DPH1: variants seen among roughly 807,000 people sequenced by gnomAD.
DPH1 encodes the protein 2-(3-amino-3-carboxypropyl)histidine synthase subunit 1.
A neutral mutation model predicts 55.3 loss-of-function variants in DPH1; 59 were observed. The ratio of observed to expected loss-of-function variants is 1.07; its 90% confidence interval spans 0.87 to 1.33. The LOEUF (loss-of-function observed/expected upper bound fraction) is 1.33, where lower values mean the gene tolerates loss of function less well. DPH1 is among the 40% of genes most tolerant of loss of function. The pLI is 0.00. For missense variants in DPH1, 628 were observed against 584.8 expected (o/e 1.07, Z -0.76); for synonymous variants, 238 against 235.5 (o/e 1.01, Z -0.10).
chr17:2,040,995 A>G, intron 9 of DPH1, 108 bp from the exon 10 acceptor site: 4 of 1,064,808 alleles, frequency 3.8e-6, no homozygotes, highest in Non-Finnish European at 5.6e-6. Context: ...TAGGATTCAT[A>G]AAGCCTGTTA....
In DPH1 at chr17:2,036,840, C is replaced by T. The variant is rs373269295; in HGVS notation, c.564C>T (p.Ala188=). The part of the protein sequence containing the change: ...TIQFVSTLQA[A]AQELKAEYRV... The stretch of plus-strand genomic sequence containing the variant: ...TTCCCTCGTCATTCCTACAGGCAGC[C>T]GCCCAGGAGCTGAAAGCCGAGTATC... The change falls in exon 6 of 13, where the codon GCC becomes GCT. Residue 188 remains alanine, a synonymous_variant. Transcript: ENST00000263083. The surrounding 1 kb of genome is among the most constrained non-coding windows in gnomAD (Gnocchi z 4.8). 87 of 1,613,262 alleles carry T rather than the reference C, an allele frequency of 5.4e-5. No individual in the cohort carries two copies. The African/African-American group carries it at 1.0e-3, about 19-fold the overall frequency.
chr17:2,042,119 G>A (rs779637169), intron 12 of DPH1: 3 of 1,565,304 alleles, frequency 1.9e-6, no homozygotes, highest in Non-Finnish European at 1.7e-6. Flanking sequence ...GCTTCCGTGA[G>A]AAGACCGGGG....
chr17:2,036,102 G>A lies in DPH1; in HGVS notation c.400+11G>A, dbSNP rs755998453. On this transcript the variant is annotated intron_variant, in intron 4 of 12. Transcript: ENST00000263083. This position sits in a 1 kb window ranked among gnomAD's most constrained non-coding sequence, Gnocchi z 4.8. ...GCCACAGTTGCCTGAGTATGGTGGG[G>A]CCAGGACACCTGGACGGTGGCGGGG... The A allele has an allele frequency of 2.5e-6, 4 of 1,613,588 alleles. No individual in the cohort carries two copies. The Admixed American group carries it at 6.7e-5, about 27-fold the overall frequency.
rs961569165 is a variant in DPH1 at position 2,040,261 on chromosome 17, C to G, written c.793C>G (p.His265Asp). 1.2e-6 allele frequency: 2 copies of G among 1,613,978 alleles called. No individual in the cohort carries two copies. Among genetic ancestry groups the G allele is most frequent in the Non-Finnish European group, 1.7e-6 (2 of 1,180,048 alleles). The change falls in exon 8 of 13, where the codon CAC becomes GAC. Residue 265 changes from histidine to aspartate, a missense_variant. His to Asp is a moderately conservative substitution (Grantham distance 81). Coordinates refer to ENST00000263083, the MANE Select transcript of DPH1 (RefSeq NM_001383.6). ...SKVLSREHYD[H>D]QRMQAARQEA... ...AGTCCTATCCAGAGAACACTATGAC[C>G]ACCAGCGCATGCAGGCTGCTCGCCA...
rs765788770 is a variant in DPH1 at position 2,030,193 on chromosome 17, G to C, written c.24G>C (p.Gly8=). The stretch of plus-strand genomic sequence containing the variant: ...TGATGGCGGCGCTGGTCGTATCCGG[G>C]GCAGCGGAGCAGGGCGGCCGAGACG... MAALVVS[G]AAEQGGRDGP... is the part of the protein sequence containing the mutation. The change falls in exon 1 of 13, where the codon GGG becomes GGC. Residue 8 remains glycine, a synonymous_variant. Transcript: ENST00000263083. 1 of 1,602,678 alleles carries C rather than the reference G, an allele frequency of 6.2e-7. No homozygotes were observed. Among genetic ancestry groups the C allele is most frequent in the Non-Finnish European group, 8.5e-7 (1 of 1,175,808 alleles).
Position 2,030,197 on chromosome 17 carries a change from G to A in DPH1, c.28G>A (p.Ala10Thr). MAALVVSGA[A>T]EQGGRDGPGR... ...GGCGGCGCTGGTCGTATCCGGGGCA[G>A]CGGAGCAGGGCGGCCGAGACGGCCC... is the stretch of plus-strand genomic sequence containing the variant. Residue 10 changes from alanine to threonine, a missense_variant, in exon 1 of 13, where the codon GCG (alanine) becomes ACG (threonine). Ala to Thr is a moderately conservative substitution (Grantham distance 58). Transcript: ENST00000263083. 1.9e-6 allele frequency: 3 copies of A among 1,600,450 alleles called. No individual in the cohort carries two copies. Among genetic ancestry groups the A allele is most frequent in the Non-Finnish European group, 2.6e-6 (3 of 1,174,678 alleles).
chr17:2,043,437 T>C lies in DPH1; in HGVS notation c.*851T>C. On this transcript the variant is annotated 3_prime_UTR_variant, in exon 13 of 13. Transcript: ENST00000263083. Reference sequence around the variant, plus strand: ...AGTGGTGATTTGGATTTTGAGCATCTTTTTCCTGGTACACACAGAAAAACA... The same window carrying C: ...AGTGGTGATTTGGATTTTGAGCATCCTTTTCCTGGTACACACAGAAAAACA... The C allele has an allele frequency of 3.7e-6, 1 of 267,976 alleles. No individual in the cohort carries two copies. Among genetic ancestry groups the C allele is most frequent in the East Asian group, 7.6e-5 (1 of 13,132 alleles). 16.6% of individuals were successfully genotyped at this position (267,976 alleles called of 1,614,324 possible).
intron 7 of DPH1, 49 bp from the exon 8 acceptor site, chr17:2,040,169 C>G: frequency 6.2e-7 from 1 of 1,606,652 alleles, no homozygotes; most frequent in South Asian, 1.1e-5. Context: ...GTGCATAATA[C>G]TGGTCCTGAC....
rs9898571 is a variant in DPH1 at position 2,041,883 on chromosome 17, C to A, written c.*18+8C>A. 39,978 of 1,566,960 alleles carry A rather than the reference C, an allele frequency of 0.026. 560 individuals are homozygous for A. Among genetic ancestry groups the A allele is most frequent in the Middle Eastern group, 0.028 (164 of 5,886 alleles). Reference sequence around the variant, plus strand: ...CGCGCTCCCGGGCCTCAGGTATCAGCCCCCGCTCTGGGTGCGCCCCGCCTT... The same window carrying A: ...CGCGCTCCCGGGCCTCAGGTATCAGACCCCGCTCTGGGTGCGCCCCGCCTT... On this transcript the variant is annotated splice_region_variant and intron_variant, in intron 12 of 12. Coordinates refer to ENST00000263083, the MANE Select transcript of DPH1 (RefSeq NM_001383.6).
At position 2,042,706 on chromosome 17, in the gene DPH1, G is replaced by A. The variant is rs1336748971; in HGVS notation, c.*120G>A. The A allele has an allele frequency of 1.3e-6, 2 of 1,552,826 alleles. No individual in the cohort carries two copies. On this transcript the variant is annotated 3_prime_UTR_variant, in exon 13 of 13. Transcript: ENST00000263083. ...AGAGCCCGCCGTCTGCAGGGGCCTG[G>A]AGGAATCACTGGGGATGGTGGCACA...
chr17:2,041,001 T>A, intron 9 of DPH1, 102 bp from the exon 10 acceptor site: 5 of 1,100,520 alleles, frequency 4.5e-6, no homozygotes, highest in Non-Finnish European at 6.8e-6. Context: ...TCATAAAGCC[T>A]GTTAATGAAT....
At chr17:2,037,513 C>G (rs937745570) in intron 6 of DPH1, among the ~76,000 whole-genome samples, 8 of 152,142 alleles carry the variant, frequency 5.3e-5, no homozygotes, top group Non-Finnish European at 8.8e-5. Flanking sequence ...CCTGACACCC[C>G]TGTCCCTAGA....
In DPH1 at chr17:2,040,573, C is replaced by G; in HGVS notation, c.975C>G (p.Pro325=). The G allele has an allele frequency of 6.2e-7, 1 of 1,614,234 alleles. No homozygotes were observed. The highest frequency in any genetic ancestry group is 8.5e-7 in the Non-Finnish European group (1 of 1,180,040). The change falls in exon 9 of 13, where the codon CCC becomes CCG. Residue 325 remains proline, a synonymous_variant. Coordinates refer to ENST00000263083, the MANE Select transcript of DPH1 (RefSeq NM_001383.6). ...GGCTGCTGCTCTCTGAGATCTTCCC[C>G]AGCAAGCTTAGCCTACTTCCTGAGG... ...FVRLLLSEIF[P]SKLSLLPEVD...
Position 2,036,458 on chromosome 17 carries a change from G to C in DPH1, c.401-71G>C. ...AAGCCACTGCGCCTGGCTGCTCAGAGACCTGAGCCTGGCCGGGCCCTCTGC... is the reference window on the plus strand; with the variant it reads ...AAGCCACTGCGCCTGGCTGCTCAGACACCTGAGCCTGGCCGGGCCCTCTGC... On this transcript the variant is annotated intron_variant, in intron 4 of 12. Transcript: ENST00000263083. This position sits in a 1 kb window ranked among gnomAD's most constrained non-coding sequence, Gnocchi z 4.8. 1.5e-5 allele frequency: 23 copies of C among 1,581,432 alleles called. No individual in the cohort carries two copies. Among genetic ancestry groups the C allele is most frequent in the Non-Finnish European group, 2.0e-5 (23 of 1,158,458 alleles).
At chr17:2,042,006 A>C in intron 12 of DPH1, 131 bp downstream of exon 12, 1 of 1,492,500 alleles carries the variant, frequency 6.7e-7, no homozygotes, top group Non-Finnish European at 8.9e-7. Context: ...CCGCTCGGGG[A>C]AAGACCGCTT....
At position 2,042,939 on chromosome 17, in the gene DPH1, T is replaced by A. The variant is rs1029257165; in HGVS notation, c.*353T>A. On this transcript the variant is annotated 3_prime_UTR_variant, in exon 13 of 13. Transcript: ENST00000263083. ...GGCCCTTGTCATTGCCTTCGCTCCA[T>A]GTTTTTGGGGACACTGACAAAGTCA... 1 of 1,614,164 alleles carries A rather than the reference T, an allele frequency of 6.2e-7. No homozygotes were observed. Among genetic ancestry groups the A allele is most frequent in the Non-Finnish European group, 8.5e-7 (1 of 1,180,026 alleles).
Position 2,030,208 on chromosome 17 carries a change from C to T in DPH1, c.39C>T (p.Gly13=), listed in dbSNP as rs1319044641. ...ALVVSGAAEQ[G]GRDGPGRGRA... Reference sequence around the variant, plus strand: ...TCGTATCCGGGGCAGCGGAGCAGGGCGGCCGAGACGGCCCTGGCAGAGGTG... The same window carrying T: ...TCGTATCCGGGGCAGCGGAGCAGGGTGGCCGAGACGGCCCTGGCAGAGGTG... Residue 13 remains glycine, a synonymous_variant, in exon 1 of 13, where the codon GGC becomes GGT. Transcript: ENST00000263083. 2 of 1,594,318 alleles carry T rather than the reference C, an allele frequency of 1.3e-6. No individual in the cohort carries two copies. The highest frequency in any genetic ancestry group is 1.1e-5 in the South Asian group (1 of 87,678).
chr17:2,043,202 C>T lies in DPH1; in HGVS notation c.*616C>T, dbSNP rs1009164946. 1.3e-5 allele frequency: 18 copies of T among 1,369,020 alleles called. No individual in the cohort carries two copies. The highest frequency in any genetic ancestry group is 1.7e-5 in the Non-Finnish European group (17 of 1,002,032). The allele number at this position is 1,369,020 out of a possible 1,614,324, so 84.8% of individuals were successfully genotyped here. ...GACCCTCCACTCACTGCTGTGAGTG[C>T]GCCTCACCAGAACCAGTTAAGAGAC... On this transcript the variant is annotated 3_prime_UTR_variant, in exon 13 of 13. Transcript: ENST00000263083.
At chr17:2,042,217 C>G (rs770652391) in intron 12 of DPH1, 7 of 1,428,536 alleles carry the variant, frequency 4.9e-6, no homozygotes, top group Middle Eastern at 1.8e-4. Context: ...CCCGAGGGCG[C>G]CAGATCAGAC....
Sources: allele counts gnomAD v4.1 joint callset (sites outside exome capture counted in the v4.1 genomes callset), GRCh38; gene constraint gnomAD v4.1.1; non-coding constraint Gnocchi (gnomAD v3.1); transcripts MANE v1.5; gene names NCBI Gene and HGNC (gene_info 2026-07-23, HGNC 2026-07-21).